IL18R1: variants seen among roughly 807,000 people sequenced by gnomAD.
IL18R1 encodes interleukin 18 receptor 1.
In IL18R1, 40 loss-of-function variants were observed where a neutral mutation model predicts 48.5. The ratio of observed to expected loss-of-function variants is 0.82; its 90% confidence interval spans 0.64 to 1.07. The LOEUF is 1.07. IL18R1 is among the 50% of genes least tolerant of loss of function. The pLI is 0.00. For missense variants in IL18R1, 596 were observed against 633.7 expected, an observed-to-expected ratio of 0.94 and a Z score of 0.64; for synonymous variants, 232 against 225.9, an observed-to-expected ratio of 1.03 and a Z score of -0.24.
intron 1 of IL18R1, 120 bp from the exon 2 acceptor site, chr2:102,362,513 T>C: frequency 1.8e-6 from 1 of 566,120 alleles, no homozygotes; most frequent in Non-Finnish European, 3.1e-6. Context: ...TTAAGGATTA[T>C]AAAAATCTTC....
Position 102,395,975 on chromosome 2 carries a change from A to G in IL18R1, c.1271-556A>G, listed in dbSNP as rs375702474. Among the ~76,000 whole-genome samples, 28 of 152,336 alleles carry G rather than the reference A, an allele frequency of 1.8e-4. No homozygotes were observed. The South Asian group carries it at 2.1e-3, about 11-fold the overall frequency. ...ACCTGCAAAGCCTAACATATTTACT[A>G]TCTGGCCCTTTGCAGAAAAAGTTTG... On this transcript the variant is annotated intron_variant, in intron 10 of 10. Coordinates refer to ENST00000233957, the MANE Select transcript of IL18R1 (RefSeq NM_003855.5).
chr2:102,371,037 G>A (rs944871086), intron 3 of IL18R1, among the ~76,000 whole-genome samples: 2 of 21,674 alleles, frequency 9.2e-5, no homozygotes, highest in Admixed American at 1.0e-3. Flanking sequence ...TCCAATTCCA[G>A]ATCACCTTTT....
chr2:102,383,861 CTTGT>C (rs1049327813), intron 6 of IL18R1, among the ~76,000 whole-genome samples: 40 of 152,178 alleles, frequency 2.6e-4, no homozygotes, highest in African/African-American at 8.2e-4. Context: ...TTTCCATCCA[CTTGT>C]TTATCTTTTC....
intron 7 of IL18R1, among the ~76,000 whole-genome samples, chr2:102,385,670 G>A (rs1680182999): frequency 2.0e-5 from 3 of 152,156 alleles, no homozygotes; most frequent in Admixed American, 1.3e-4. Flanking sequence ...CATGCTTGCA[G>A]CTCTACATTC....
intron 1 of IL18R1, among the ~76,000 whole-genome samples, chr2:102,361,550 T>A (rs1678575213): frequency 6.6e-6 from 1 of 152,160 alleles, no homozygotes; most frequent in African/African-American, 2.4e-5. Context: ...CCATAAGCCT[T>A]AGATGGTTTA....
At chr2:102,370,889 G>A (rs1316755947) in intron 3 of IL18R1, among the ~76,000 whole-genome samples, 1 of 152,192 alleles carries the variant, frequency 6.6e-6, no homozygotes, top group Non-Finnish European at 1.5e-5. Context: ...AAATGTGTCA[G>A]GCATAGAGGA....
Position 102,387,127 on chromosome 2 carries a change from C to T in IL18R1, c.949+127C>T, listed in dbSNP as rs183837886. On this transcript the variant is annotated intron_variant, in intron 8 of 10. Coordinates refer to ENST00000233957, the MANE Select transcript of IL18R1 (RefSeq NM_003855.5). ...TCCTGAGAGGGGAAATCAGTCACCTCATGTCACAGGCATTCAGTGGGGCCC... is the reference window on the plus strand; with the variant it reads ...TCCTGAGAGGGGAAATCAGTCACCTTATGTCACAGGCATTCAGTGGGGCCC... 325 of 979,094 alleles carry T rather than the reference C, an allele frequency of 3.3e-4. 3 individuals carry two copies. In the Middle Eastern group the frequency reaches 0.029, roughly 87 times the overall value. The allele number at this position is 979,094 out of a possible 1,614,324, so 60.7% of individuals were successfully genotyped here. A position where few individuals can be genotyped will look rare whatever the true frequency, so the allele number is the denominator to read the frequency against.
chr2:102,361,858 T>C (rs1412995713), intron 1 of IL18R1, among the ~76,000 whole-genome samples: 1 of 152,206 alleles, frequency 6.6e-6, no homozygotes, highest in Non-Finnish European at 1.5e-5. Context: ...GAATGCTAGG[T>C]TGCAGTAGGA....
chr2:102,387,506 A>C (rs1306736004), intron 8 of IL18R1, among the ~76,000 whole-genome samples: 2 of 152,188 alleles, frequency 1.3e-5, no homozygotes, highest in Non-Finnish European at 2.9e-5. Flanking sequence ...GTGGGCTCTT[A>C]AAGTTTTTCA....
intron 10 of IL18R1, among the ~76,000 whole-genome samples, chr2:102,395,343 T>TAA (rs58693797): frequency 7.0e-6 from 1 of 143,392 alleles, no homozygotes. Flanking sequence ...TACTGATGCT[T>TAA]AAAAAAAAAA....
At chr2:102,361,614 A>G (rs1169129513) in intron 1 of IL18R1, among the ~76,000 whole-genome samples, 1 of 152,188 alleles carries the variant, frequency 6.6e-6, no homozygotes, top group Non-Finnish European at 1.5e-5. Flanking sequence ...TTTGGTAATG[A>G]CCAAATAGGC....
At position 102,381,623 on chromosome 2, in the gene IL18R1, G is replaced by T. The variant is rs11465635; in HGVS notation, c.629G>T (p.Arg210Leu). ...KTFNITIVED[R>L]SNIVPVLLGP... ...TCTTTTCTTTTGTCACTTCTAGATC[G>T]CAGTAATATAGTTCCGGTTCTTCTT... The change falls in exon 6 of 11, where the codon CGC becomes CTC. Residue 210 changes from arginine to leucine, a missense_variant. By Grantham distance (102) the Arg-to-Leu change is moderately radical. This residue lies in a region of IL18R1 where 360 missense variants were observed against 339.4 expected (regional missense o/e 1.06). Coordinates refer to ENST00000233957, the MANE Select transcript of IL18R1 (RefSeq NM_003855.5). 1.9e-6 allele frequency: 3 copies of T among 1,611,566 alleles called. No individual in the cohort carries two copies. The highest frequency in any genetic ancestry group is 2.5e-6 in the Non-Finnish European group (3 of 1,177,818).
chr2:102,396,655 G>C lies in IL18R1; in HGVS notation c.1395G>C (p.Val465=). 1.2e-6 allele frequency: 2 copies of C among 1,613,146 alleles called. No individual in the cohort carries two copies. Among genetic ancestry groups the C allele is most frequent in the Non-Finnish European group, 1.7e-6 (2 of 1,179,222 alleles). ...AAAGTGGACTCCATGAAGCATTGGTGGAAAGAAAAATTAAAATAATCTTAA... is the reference window on the plus strand; with the variant it reads ...AAAGTGGACTCCATGAAGCATTGGTCGAAAGAAAAATTAAAATAATCTTAA... The part of the protein sequence containing the change: ...ELESGLHEAL[V]ERKIKIILIE... The change falls in exon 11 of 11, where the codon GTG becomes GTC. Residue 465 remains valine (V), a synonymous_variant. Coordinates refer to ENST00000233957, the MANE Select transcript of IL18R1 (RefSeq NM_003855.5).
chr2:102,370,947 T>C (rs1224769359), intron 3 of IL18R1, among the ~76,000 whole-genome samples: 1 of 152,206 alleles, frequency 6.6e-6, no homozygotes, highest in East Asian at 1.9e-4. Context: ...AATCTATACA[T>C]CACAGGTGCA....
Position 102,373,045 on chromosome 2 carries a change from G to C in IL18R1, c.468+927G>C, listed in dbSNP as rs544366547. ...AATTTTTTGTCACCTCCACAACACA[G>C]GGAAATAATGGTCCCAGAATGTTTA... On this transcript the variant is annotated intron_variant, in intron 4 of 10. Transcript: ENST00000233957. Among the ~76,000 whole-genome samples the C allele has an allele frequency of 5.3e-5, 8 of 152,142 alleles. No homozygotes were observed. The South Asian group carries it at 1.5e-3, about 28-fold the overall frequency.
At chr2:102,357,732 G>C (rs988041909) in intron 1 of IL18R1, among the ~76,000 whole-genome samples, 8 of 152,124 alleles carry the variant, frequency 5.3e-5, no homozygotes, top group African/African-American at 1.7e-4. Context: ...GGTGGCCCAG[G>C]TAGCACAGGC....
Position 102,371,975 on chromosome 2 carries a change from T to C in IL18R1, c.325T>C (p.Leu109=), listed in dbSNP as rs2105062628. The C allele has an allele frequency of 6.4e-7, 1 of 1,555,786 alleles. No homozygotes were observed. Among genetic ancestry groups the C allele is most frequent in the Non-Finnish European group, 8.8e-7 (1 of 1,139,788 alleles). ...TAGAAATTATACTCAGAAATGGAAA[T>C]TAAATGTCATCAGAAGAAATAAACA... ...QMKNYTQKWK[L]NVIRRNKHSC... Residue 109 remains leucine, a synonymous_variant, in exon 4 of 11, where the codon TTA becomes CTA. Coordinates refer to ENST00000233957, the MANE Select transcript of IL18R1 (RefSeq NM_003855.5).
chr2:102,397,454 ACAG>A lies in IL18R1; in HGVS notation c.*569_*571del, dbSNP rs1426871122. On this transcript the variant is annotated 3_prime_UTR_variant, in exon 11 of 11. Transcript: ENST00000233957. ...AGGATGCATTTAATGTATCCTGGCC[ACAG>A]TTGCAGCCAACGGTTCTTGAAAGCT... 6.6e-6 allele frequency: 1 copy of A among 152,468 alleles called. No individual in the cohort carries two copies. The highest frequency in any genetic ancestry group is 1.5e-5 in the Non-Finnish European group (1 of 68,140). The allele number at this position is 152,468 out of a possible 1,614,324, so 9.4% of individuals were successfully genotyped here.
intron 2 of IL18R1, 22 bp downstream of exon 2, chr2:102,362,740 C>G: frequency 7.0e-7 from 1 of 1,418,698 alleles, no homozygotes; most frequent in Non-Finnish European, 9.8e-7. Context: ...TACATACTCT[C>G]AAACATATTT....
Sources: gnomAD v4.1 joint callset for allele counts (sites outside exome capture counted in the v4.1 genomes callset) on GRCh38, gnomAD v4.1.1 for gene constraint, gnomAD v4.1.1 regional missense constraint, MANE v1.5 for transcripts, NCBI Gene and HGNC (gene_info 2026-07-23, HGNC 2026-07-21) for gene names.